Variants in TBC1D17 observed in about 807,000 individuals in gnomAD.
TBC1D17 encodes TBC1 domain family member 17, also known as TBC1 domain family, member 17.
Under a neutral mutation model 78.8 loss-of-function variants are expected in TBC1D17, and 69 were observed. That is an observed-to-expected ratio of 0.88 (90% CI 0.72 to 1.07). The LOEUF is 1.07. Among genes scored for constraint, TBC1D17 ranks in the 50% least tolerant of loss-of-function variants. The pLI, the probability that TBC1D17 is intolerant of heterozygous loss-of-function variation, is 0.00. For synonymous variants in TBC1D17, 456 were observed against 358.3 expected (o/e 1.27, Z -3.08); for missense variants, 957 against 861.0 (o/e 1.11, Z -1.39).
At chr19:49,882,561 T>C (rs1282363159) in intron 7 of TBC1D17, among the ~76,000 whole-genome samples, 161 bp downstream of exon 7, 1 of 152,198 alleles carries the variant, frequency 6.6e-6, no homozygotes, top group Non-Finnish European at 1.5e-5. Context: ...TGCCAGACAC[T>C]GTGAGCACCT....
chr19:49,883,640 C>G lies in TBC1D17; in HGVS notation c.1032-11C>G, dbSNP rs754553328. On this transcript the variant is annotated splice_polypyrimidine_tract_variant and intron_variant, in intron 9 of 16. Coordinates refer to ENST00000221543, the MANE Select transcript of TBC1D17 (RefSeq NM_024682.3). The stretch of plus-strand genomic sequence containing the variant: ...TGGCGGCCTCACATCTTGTTTCCCT[C>G]TGTCACTCAGGGATGAGTATTTCCG... The G allele has an allele frequency of 1.2e-6, 2 of 1,612,582 alleles. No homozygotes were observed. The highest frequency in any genetic ancestry group is 8.5e-7 in the Non-Finnish European group (1 of 1,178,804).
intron 3 of TBC1D17, 140 bp from the exon 4 acceptor site, chr19:49,880,138 GT>G: frequency 9.4e-7 from 1 of 1,061,952 alleles, no homozygotes; most frequent in Non-Finnish European, 1.3e-6. Context: ...GATTACAGGC[GT>G]GAGCCACCGC....
intron 15 of TBC1D17, 36 bp downstream of exon 15, chr19:49,887,870 T>C: frequency 1.3e-6 from 2 of 1,498,406 alleles, no homozygotes; most frequent in South Asian, 1.2e-5. Flanking sequence ...CTGTCCCCCC[T>C]GAGCTGGGCG....
At chr19:49,887,855 C>A in intron 15 of TBC1D17, 21 bp downstream of exon 15, 2 of 1,580,380 alleles carry the variant, frequency 1.3e-6, no homozygotes, top group East Asian at 2.3e-5. Context: ...GGCCCCGCCC[C>A]CGCCCTGTCC....
At chr19:49,883,172 C>T in intron 9 of TBC1D17, 96 bp downstream of exon 9, 3 of 1,137,308 alleles carry the variant, frequency 2.6e-6, no homozygotes, top group South Asian at 1.5e-5. Flanking sequence ...TGTGAACCTG[C>T]TGTATCTGGG....
rs1368790496 is a variant in TBC1D17 at position 49,884,707 on chromosome 19, C to A, written c.1393C>A (p.Arg465=). 6.2e-7 allele frequency: 1 copy of A among 1,613,958 alleles called. No individual in the cohort carries two copies. The highest frequency in any genetic ancestry group is 1.3e-5 in the African/African-American group (1 of 74,874). The change falls in exon 13 of 17, where the codon CGA becomes AGA. Residue 465 remains arginine (R), a synonymous_variant. Transcript: ENST00000221543. ...SQETMKRQLG[R]LLLLLRVLDP... Reference sequence around the variant, plus strand: ...GGAGACCATGAAGCGGCAACTCGGGCGACTGCTGCTGCTCCTGAGGGTGCT... The same window carrying A: ...GGAGACCATGAAGCGGCAACTCGGGAGACTGCTGCTGCTCCTGAGGGTGCT...
At chr19:49,881,696 C>G (rs912552711) in intron 5 of TBC1D17, among the ~76,000 whole-genome samples, 1 of 152,204 alleles carries the variant, frequency 6.6e-6, no homozygotes, top group South Asian at 2.1e-4. Flanking sequence ...CCTCTGAGTT[C>G]GTTATTCTCT....
At chr19:49,879,271 G>T (rs2074988734) in intron 3 of TBC1D17, 1 of 152,294 alleles carries the variant, frequency 6.6e-6, no homozygotes, top group South Asian at 2.1e-4. Context: ...TCTGTAGGGG[G>T]GTTCTTTAGT....
At chr19:49,877,991 G>A (rs781406716) in intron 1 of TBC1D17, 152 bp from the exon 2 acceptor site, 3 of 744,062 alleles carry the variant, frequency 4.0e-6, no homozygotes, top group Admixed American at 2.9e-5. Context: ...ATCCGAACGC[G>A]GGCTGGACCA....
chr19:49,881,236 G>A (rs779742563), intron 4 of TBC1D17, 32 bp from the exon 5 acceptor site: 20 of 1,585,946 alleles, frequency 1.3e-5, no homozygotes, highest in Non-Finnish European at 1.6e-5. Flanking sequence ...GGCTTCCCAC[G>A]CGCTTCCCCC....
Position 49,878,166 on chromosome 19 carries a change from G to C in TBC1D17, c.45G>C (p.Val15=), listed in dbSNP as rs1249603946. 1.3e-6 allele frequency: 2 copies of C among 1,578,100 alleles called. No individual in the cohort carries two copies. Among genetic ancestry groups the C allele is most frequent in the African/African-American group, 2.7e-5 (2 of 73,760 alleles). ...GYRVVFEKGG[V]YLHTSAKKYQ... Reference sequence around the variant, plus strand: ...AGGTGGTGTTTGAGAAGGGCGGAGTGTACCTGCACACCAGCGCTAAGAAGT... The same window carrying C: ...AGGTGGTGTTTGAGAAGGGCGGAGTCTACCTGCACACCAGCGCTAAGAAGT... Residue 15 remains valine, a synonymous_variant, in exon 2 of 17, where the codon GTG becomes GTC. Coordinates refer to ENST00000221543, the MANE Select transcript of TBC1D17 (RefSeq NM_024682.3).
Position 49,888,490 on chromosome 19 carries a change from C to G in TBC1D17, c.1813C>G (p.Pro605Ala). The change falls in exon 17 of 17, where the codon CCC (proline) becomes GCC (alanine). Residue 605 changes from proline (P) to alanine (A), a missense_variant. Transcript: ENST00000221543. ...GCCCGCAGAGCCCCACAGCCCCTCG[C>G]CCACCGCCTCCCCGCTGCCTCTGTC... ...APPAEPHSPS[P>A]TASPLPLSPT... 1.3e-6 allele frequency: 2 copies of G among 1,580,058 alleles called. No individual in the cohort carries two copies. The highest frequency in any genetic ancestry group is 1.7e-6 in the Non-Finnish European group (2 of 1,168,096).
intron 13 of TBC1D17, chr19:49,886,403 C>T (rs1452449792): frequency 6.6e-6 from 1 of 152,138 alleles, no homozygotes; most frequent in African/African-American, 2.4e-5. Context: ...ATACTCTGTC[C>T]TCACCTTACT....
Position 49,884,771 on chromosome 19 carries a change from G to T in TBC1D17, c.1444+13G>T, listed in dbSNP as rs780905720. On this transcript the variant is annotated intron_variant, in intron 13 of 16. Transcript: ENST00000221543. ...TGCGACTTCCTGGGTATGTCTCTCG[G>T]GAGGGTGGGCAGGAGACAATGGGGC... is the stretch of plus-strand genomic sequence containing the variant. 6.2e-7 allele frequency: 1 copy of T among 1,612,652 alleles called. No homozygotes were observed. Among genetic ancestry groups the T allele is most frequent in the South Asian group, 1.1e-5 (1 of 91,056 alleles).
rs1205178435 is a variant in TBC1D17 at position 49,884,476 on chromosome 19, A to G, written c.1261A>G (p.Ser421Gly). 7.4e-6 allele frequency: 12 copies of G among 1,614,112 alleles called. No homozygotes were observed. The highest frequency in any genetic ancestry group is 1.0e-5 in the Non-Finnish European group (12 of 1,180,012). Reference protein sequence around the residue: ...HFDLGYVQGMSDLLSPILYVI... With the variant: ...HFDLGYVQGMGDLLSPILYVI... The stretch of plus-strand genomic sequence containing the variant: ...CCCCCCAGGCTACGTCCAGGGCATG[A>G]GTGATCTTCTCTCCCCGATCCTCTA... The change falls in exon 12 of 17, where the codon AGT becomes GGT. Residue 421 changes from serine to glycine, a missense_variant. Ser to Gly is a moderately conservative substitution (Grantham distance 56, BLOSUM62 0). Transcript: ENST00000221543.
At position 49,887,582 on chromosome 19, in the gene TBC1D17, G is replaced by A. The variant is rs748240569; in HGVS notation, c.1542+9G>A. 2.5e-6 allele frequency: 4 copies of A among 1,613,996 alleles called. No individual in the cohort carries two copies. The South Asian group carries it at 4.4e-5, about 18-fold the overall frequency. On this transcript the variant is annotated intron_variant, in intron 14 of 16. Coordinates refer to ENST00000221543, the MANE Select transcript of TBC1D17 (RefSeq NM_024682.3). ...TCCTTCGGCTGTGGGAGGTGGGCCAGCCAGTTTGGGCGAGAGGCCTGAAGG... is the reference window on the plus strand; with the variant it reads ...TCCTTCGGCTGTGGGAGGTGGGCCAACCAGTTTGGGCGAGAGGCCTGAAGG...
chr19:49,880,688 G>T (rs2075005332), intron 4 of TBC1D17, among the ~76,000 whole-genome samples: 1 of 152,220 alleles, frequency 6.6e-6, no homozygotes, highest in South Asian at 2.1e-4. Context: ...GAGGCTGGTG[G>T]GGTGACAGAT....
intron 10 of TBC1D17, among the ~76,000 whole-genome samples, chr19:49,884,016 C>T (rs2075037823): frequency 1.3e-5 from 2 of 152,302 alleles, no homozygotes; most frequent in South Asian, 4.1e-4. Context: ...TTTTGCCTCC[C>T]TGGGCCTCAG....
At chr19:49,884,179 G>A (rs1017818173) in intron 10 of TBC1D17, 74 bp from the exon 11 acceptor site, 2 of 1,357,494 alleles carry the variant, frequency 1.5e-6, no homozygotes, top group Non-Finnish European at 2.1e-6. Flanking sequence ...AGCAGTGGGG[G>A]CTGGCACTGG....
Sources: allele counts gnomAD v4.1 joint callset (sites outside exome capture counted in the v4.1 genomes callset), GRCh38; gene constraint gnomAD v4.1.1; transcripts MANE v1.5; gene names NCBI Gene and HGNC (gene_info 2026-07-23, HGNC 2026-07-21).